ZFPM2: variants seen among roughly 807,000 people sequenced by gnomAD.
The protein encoded by ZFPM2 is zinc finger protein, FOG family member 2.
A neutral mutation model predicts 98.6 loss-of-function variants in ZFPM2; 20 were observed. That is an observed-to-expected ratio of 0.20 (90% CI 0.14 to 0.29). The LOEUF (loss-of-function observed/expected upper bound fraction) is 0.29, where lower values mean the gene tolerates loss of function less well. Among genes scored for constraint, ZFPM2 ranks in the 10% least tolerant of loss-of-function variants. The probability of loss-of-function intolerance (pLI) is 1.00; values close to 1 mark genes in which losing one functional copy is unlikely to be tolerated. For synonymous variants in ZFPM2, 518 were observed against 502.7 expected, an observed-to-expected ratio of 1.03 and a Z score of -0.41; for missense variants, 1,310 against 1,388.6, an observed-to-expected ratio of 0.94 and a Z score of 0.90.
At chr8:105,767,215 ACCATC>A (rs1252313411) in intron 5 of ZFPM2, among the ~76,000 whole-genome samples, 1 of 151,964 alleles carries the variant, frequency 6.6e-6, no homozygotes, top group African/African-American at 2.4e-5. Context: ...GATTTTACAT[ACCATC>A]CTGTATAGTG....
At chr8:105,578,830 G>C (rs1325095476) in intron 4 of ZFPM2, among the ~76,000 whole-genome samples, 1 of 152,062 alleles carries the variant, frequency 6.6e-6, no homozygotes, top group Admixed American at 6.6e-5. Flanking sequence ...GAATGCAATT[G>C]AATATACTAG....
intron 1 of ZFPM2, among the ~76,000 whole-genome samples, chr8:105,366,348 A>G (rs1446212986): frequency 1.3e-5 from 2 of 152,134 alleles, no homozygotes; most frequent in Non-Finnish European, 2.9e-5. Context: ...TAGAGGAGAA[A>G]TCACTGAGGA....
chr8:105,439,717 C>G (rs1021904672), intron 2 of ZFPM2, among the ~76,000 whole-genome samples: 2 of 152,184 alleles, frequency 1.3e-5, no homozygotes, highest in Admixed American at 6.5e-5. Flanking sequence ...GCTCAAATCC[C>G]TGTGTTTCAA....
intron 5 of ZFPM2, among the ~76,000 whole-genome samples, chr8:105,776,647 G>A (rs1384512188): frequency 6.6e-6 from 1 of 152,022 alleles, no homozygotes; most frequent in Non-Finnish European, 1.5e-5. Flanking sequence ...TAACTTTTGT[G>A]AGCCTAGTCA....
intron 2 of ZFPM2, among the ~76,000 whole-genome samples, chr8:105,432,060 C>A (rs1400882008): frequency 6.6e-6 from 1 of 151,910 alleles, no homozygotes; most frequent in Non-Finnish European, 1.5e-5. Context: ...GCAAGGAGAG[C>A]AATAGAGACG....
At chr8:105,334,231 C>A (rs553899342) in intron 1 of ZFPM2, among the ~76,000 whole-genome samples, 7 of 150,298 alleles carry the variant, frequency 4.7e-5, no homozygotes, top group Non-Finnish European at 8.9e-5. Flanking sequence ...AATTATTTGT[C>A]TTCCCTTAGG....
chr8:105,572,355 A>G (rs1286892182), intron 4 of ZFPM2, among the ~76,000 whole-genome samples: 1 of 151,842 alleles, frequency 6.6e-6, no homozygotes, highest in Non-Finnish European at 1.5e-5. Context: ...AATTTCTAAT[A>G]AGAGAATAAT....
At chr8:105,453,068 C>T (rs1283757672) in intron 3 of ZFPM2, among the ~76,000 whole-genome samples, 1 of 152,074 alleles carries the variant, frequency 6.6e-6, no homozygotes, top group Non-Finnish European at 1.5e-5. Flanking sequence ...GAGATATAAA[C>T]AATTTGATAT....
chr8:105,738,820 G>T (rs1443729239), intron 5 of ZFPM2, among the ~76,000 whole-genome samples: 2 of 151,822 alleles, frequency 1.3e-5, no homozygotes, highest in Non-Finnish European at 2.9e-5. Flanking sequence ...TTAAATGTAG[G>T]TGTACATTTC....
At chr8:105,792,823 C>T (rs1210587717) in intron 6 of ZFPM2, among the ~76,000 whole-genome samples, 1 of 152,072 alleles carries the variant, frequency 6.6e-6, no homozygotes, top group East Asian at 1.9e-4. Context: ...TGAATTCATC[C>T]CTTTACCATT....
intron 2 of ZFPM2, among the ~76,000 whole-genome samples, chr8:105,423,482 T>A (rs1395196355): frequency 6.6e-6 from 1 of 152,228 alleles, no homozygotes; most frequent in Non-Finnish European, 1.5e-5. Context: ...TCATCTTTTG[T>A]TTATGAGTTT....
intron 3 of ZFPM2, among the ~76,000 whole-genome samples, chr8:105,533,110 A>C (rs1814330745): frequency 6.6e-6 from 1 of 152,176 alleles, no homozygotes; most frequent in African/African-American, 2.4e-5. Context: ...ACATAACACA[A>C]ACAAAACCAT....
At chr8:105,604,532 A>G (rs1816157011) in intron 4 of ZFPM2, among the ~76,000 whole-genome samples, 1 of 152,076 alleles carries the variant, frequency 6.6e-6, no homozygotes, top group African/African-American at 2.4e-5. Context: ...CCATGGCTCT[A>G]CATGATCTGG....
chr8:105,352,385 A>G lies in ZFPM2; in HGVS notation c.40+33404A>G, dbSNP rs147638516. ...ATCAATTATAATTTATATGATTACT[A>G]GGACATAGTTTTTCTTAACATTCTT... On this transcript the variant is annotated intron_variant, in intron 1 of 7. Coordinates refer to ENST00000407775, the MANE Select transcript of ZFPM2 (RefSeq NM_012082.4). Among the ~76,000 whole-genome samples the G allele has an allele frequency of 4.3e-3, 650 of 152,302 alleles. 5 individuals are homozygous for G. Among genetic ancestry groups the G allele is most frequent in the African/African-American group, 0.015 (604 of 41,560 alleles).
intron 3 of ZFPM2, among the ~76,000 whole-genome samples, chr8:105,556,738 C>T (rs75684025): frequency 0.11 from 16,807 of 146,960 alleles, 1,065 homozygotes; most frequent in Admixed American, 0.16. Flanking sequence ...CCTCCCCTCC[C>T]CTTTGACAGA....
chr8:105,802,264 G>A lies in ZFPM2; in HGVS notation c.2182G>A (p.Ala728Thr). 6.2e-7 allele frequency: 1 copy of A among 1,613,828 alleles called. No homozygotes were observed. Among genetic ancestry groups the A allele is most frequent in the Non-Finnish European group, 8.5e-7 (1 of 1,179,844 alleles). The change falls in exon 8 of 8, where the codon GCC (alanine) becomes ACC (threonine). Residue 728 changes from alanine (A) to threonine (T), a missense_variant. Ala to Thr is a moderately conservative substitution (Grantham distance 58, BLOSUM62 0). Coordinates refer to ENST00000407775, the MANE Select transcript of ZFPM2 (RefSeq NM_012082.4). Reference protein sequence around the residue: ...LKRSASNKVPAMQRTMRTRKR... With the variant: ...LKRSASNKVPTMQRTMRTRKR... ...GAGGTCTGCTTCCAACAAAGTGCCT[G>A]CCATGCAGAGAACCATGCGCACACG...
chr8:105,372,431 T>C (rs989288065), intron 1 of ZFPM2, among the ~76,000 whole-genome samples: 8 of 152,216 alleles, frequency 5.3e-5, no homozygotes, highest in African/African-American at 1.9e-4. Flanking sequence ...TGTGCATGTT[T>C]ATTATTTAGT....
At chr8:105,430,325 G>A (rs1298427639) in intron 2 of ZFPM2, among the ~76,000 whole-genome samples, 1 of 152,168 alleles carries the variant, frequency 6.6e-6, no homozygotes, top group Non-Finnish European at 1.5e-5. Flanking sequence ...GTAAGTGTTA[G>A]TGGTCTTCAA....
intron 1 of ZFPM2, among the ~76,000 whole-genome samples, chr8:105,340,002 C>T (rs1180754154): frequency 2.0e-5 from 3 of 151,682 alleles, no homozygotes; most frequent in South Asian, 2.1e-4. Flanking sequence ...ATTGTATTTT[C>T]GTTTATTTCC....
Sources: allele counts gnomAD v4.1 joint callset (sites outside exome capture counted in the v4.1 genomes callset), GRCh38; gene constraint gnomAD v4.1.1; transcripts MANE v1.5; gene names NCBI Gene and HGNC (gene_info 2026-07-23, HGNC 2026-07-21).